ZNF346: variants seen among roughly 807,000 people sequenced by gnomAD.
ZNF346 encodes double-stranded RNA-binding zinc finger protein JAZ.
In ZNF346, 23 loss-of-function variants were observed where a neutral mutation model predicts 33.7. The observed-to-expected ratio is 0.68, with a 90% CI of 0.49 to 0.97. The LOEUF is 0.97. Among genes scored for constraint, ZNF346 ranks in the 50% least tolerant of loss-of-function variants. The pLI, the probability that ZNF346 is intolerant of heterozygous loss-of-function variation, is 0.00. For synonymous variants in ZNF346, 134 were observed against 142.4 expected (o/e 0.94, Z 0.42); for missense variants, 340 against 371.1 (o/e 0.92, Z 0.69).
At chr5:177,055,807 G>A (rs1781593049) in intron 5 of ZNF346, among the ~76,000 whole-genome samples, 1 of 152,022 alleles carries the variant, frequency 6.6e-6, no homozygotes, top group Admixed American at 6.6e-5. Flanking sequence ...CGGGTGCAGT[G>A]GCTCACACCT....
At chr5:177,046,276 G>A (rs566389787) in intron 4 of ZNF346, among the ~76,000 whole-genome samples, 4 of 148,336 alleles carry the variant, frequency 2.7e-5, no homozygotes, top group African/African-American at 7.6e-5. Flanking sequence ...ACACCAGCCT[G>A]GGGGACAGAG....
At chr5:177,023,102 A>T in intron 1 of ZNF346, 189 bp downstream of exon 1, 1 of 1,459,846 alleles carries the variant, frequency 6.9e-7, no homozygotes, top group Non-Finnish European at 9.3e-7. Context: ...CTGAGGGTGA[A>T]GGGCCGCTCA....
At chr5:177,039,655 C>T (rs914373515) in intron 1 of ZNF346, among the ~76,000 whole-genome samples, 1 of 152,020 alleles carries the variant, frequency 6.6e-6, no homozygotes, top group Non-Finnish European at 1.5e-5. Flanking sequence ...GTGTTTGTTT[C>T]TATGTAGAGA....
At chr5:177,063,023 C>T (rs1782729327) in intron 6 of ZNF346, among the ~76,000 whole-genome samples, 2 of 151,634 alleles carry the variant, frequency 1.3e-5, no homozygotes, top group South Asian at 2.1e-4. Flanking sequence ...CCTTCCTCTC[C>T]GAAGGGAAAC....
intron 4 of ZNF346, among the ~76,000 whole-genome samples, chr5:177,044,944 T>A (rs1296926467): frequency 6.6e-6 from 1 of 152,216 alleles, no homozygotes; most frequent in Non-Finnish European, 1.5e-5. Flanking sequence ...ATGCTCAGGT[T>A]ATGGCCTACT....
rs1186074144 is a variant in ZNF346, at chr5:177,067,830, C to T, written c.*3231C>T. On this transcript the variant is annotated 3_prime_UTR_variant, in exon 7 of 7. Coordinates refer to ENST00000358149, the MANE Select transcript of ZNF346 (RefSeq NM_012279.4). Reference sequence around the variant, plus strand: ...ATTCCATATAGAGAAGGAGGCCAGGCAGGGTGGCTCACATCTGTAATCCCA... The same window carrying T: ...ATTCCATATAGAGAAGGAGGCCAGGTAGGGTGGCTCACATCTGTAATCCCA... Among the ~76,000 whole-genome samples the T allele has an allele frequency of 1.3e-5, 2 of 152,108 alleles. No individual in the cohort carries two copies. The highest frequency in any genetic ancestry group is 2.9e-5 in the Non-Finnish European group (2 of 68,016).
chr5:177,061,953 C>T (rs1218671308), intron 5 of ZNF346, 105 bp from the exon 6 acceptor site: 1 of 957,776 alleles, frequency 1.0e-6, no homozygotes, highest in Non-Finnish European at 1.6e-6. Flanking sequence ...CCTCACCTCG[C>T]CTCACCTGTC....
chr5:177,054,262 A>C (rs1219798525), intron 5 of ZNF346, among the ~76,000 whole-genome samples: 1 of 151,908 alleles, frequency 6.6e-6, no homozygotes, highest in Non-Finnish European at 1.5e-5. Flanking sequence ...GTAGAGCTAG[A>C]GTCTCGCCAC....
chr5:177,073,541 C>T (rs1276674663), intron 8 of ZNF346, among the ~76,000 whole-genome samples: 7 of 152,140 alleles, frequency 4.6e-5, no homozygotes, highest in African/African-American at 7.2e-5. Flanking sequence ...TGAGCTCAAA[C>T]GATCCTCCCA....
At chr5:177,059,015 A>G (rs951128895) in intron 5 of ZNF346, among the ~76,000 whole-genome samples, 2 of 152,184 alleles carry the variant, frequency 1.3e-5, no homozygotes, top group African/African-American at 2.4e-5. Flanking sequence ...GATTACAGGC[A>G]TGAGCCATTG....
intron 5 of ZNF346, 129 bp from the exon 6 acceptor site, chr5:177,061,929 A>T: frequency 1.3e-6 from 1 of 741,988 alleles, no homozygotes. Context: ...CTGGGTTCTC[A>T]TCAGGGCCAG....
chr5:177,074,702 C>T (rs1006941052), intron 8 of ZNF346, among the ~76,000 whole-genome samples: 12 of 152,128 alleles, frequency 7.9e-5, no homozygotes, highest in African/African-American at 2.7e-4. Context: ...TGAATGAAAA[C>T]GTTCGCTGAG....
intron 2 of ZNF346, 122 bp downstream of exon 2, chr5:177,041,351 A>T (rs560531369): frequency 1.3e-6 from 1 of 760,396 alleles, no homozygotes; most frequent in African/African-American, 1.7e-5. Flanking sequence ...GCCTCCATGC[A>T]TGTTGGCTTG....
At chr5:177,076,973 G>A (rs370065755) in intron 8 of ZNF346, among the ~76,000 whole-genome samples, 3 of 152,222 alleles carry the variant, frequency 2.0e-5, no homozygotes, top group African/African-American at 4.8e-5. Flanking sequence ...CCCAGGAGGC[G>A]GAGGTTGCAG....
Position 177,073,836 on chromosome 5 carries a change from G to T in ZNF346, c.*3-5546G>T, listed in dbSNP as rs574576854. On this transcript the variant is annotated intron_variant, in intron 8 of 8. Transcript: ENST00000503039. ...GATCGGGCGGGCGGGGGAGGGGGGG[G>T]GTCCATTTCCCAGTCTCTTGAATCT... is the stretch of plus-strand genomic sequence containing the variant. Among the ~76,000 whole-genome samples the T allele has an allele frequency of 2.1e-3, 321 of 149,546 alleles. 2 individuals are homozygous for T. The Middle Eastern group carries it at 0.028, about 13-fold the overall frequency.
chr5:177,035,521 C>G (rs995807364), intron 1 of ZNF346, among the ~76,000 whole-genome samples: 1 of 151,270 alleles, frequency 6.6e-6, no homozygotes, highest in Non-Finnish European at 1.5e-5. Flanking sequence ...AGTGCAATGG[C>G]GCAATCTTGG....
chr5:177,060,168 G>A (rs1264144919), intron 5 of ZNF346, among the ~76,000 whole-genome samples: 1 of 152,172 alleles, frequency 6.6e-6, no homozygotes, highest in Admixed American at 6.5e-5. Flanking sequence ...AGCGTGAGGA[G>A]GTTTGGAGCC....
chr5:177,065,027 G>T lies in ZNF346; in HGVS notation c.*428G>T. The T allele has an allele frequency of 6.1e-6, 1 of 164,662 alleles. No homozygotes were observed. Among genetic ancestry groups the T allele is most frequent in the Non-Finnish European group, 1.3e-5 (1 of 75,748 alleles). The allele number at this position is 164,662 out of a possible 1,614,324, so 10.2% of individuals were successfully genotyped here. A position where few individuals can be genotyped will look rare whatever the true frequency, so the allele number is the denominator to read the frequency against. On this transcript the variant is annotated 3_prime_UTR_variant, in exon 7 of 7. Transcript: ENST00000358149. ...CCTGGAACTTTCATGCCAAACCTGG[G>T]GCAGGGCAGGAAACAGAGGAAATGG...
intron 4 of ZNF346, 85 bp from the exon 5 acceptor site, chr5:177,050,665 GT>G: frequency 6.6e-7 from 1 of 1,506,934 alleles, no homozygotes; most frequent in Non-Finnish European, 9.2e-7. Context: ...CACCTTCTGG[GT>G]TTTTTCATTG....
Sources: allele counts gnomAD v4.1 joint callset (sites outside exome capture counted in the v4.1 genomes callset), GRCh38; gene constraint gnomAD v4.1.1; transcripts MANE v1.5; gene names NCBI Gene and HGNC (gene_info 2026-07-23, HGNC 2026-07-21).